Variants in CEP170 observed in about 807,000 individuals in gnomAD.
CEP170 encodes centrosomal protein of 170 kDa.
In CEP170, 21 loss-of-function variants were observed where a neutral mutation model predicts 151.9. The observed-to-expected ratio is 0.14, with a 90% CI of 0.10 to 0.20. The LOEUF is 0.20. Ranked by LOEUF, CEP170 falls within the 10% of genes least tolerant of loss-of-function variation. The pLI is 1.00. For synonymous variants in CEP170, 356 were observed against 648.8 expected (o/e 0.55, Z 6.86); for missense variants, 964 against 1,892.9 (o/e 0.51, Z 9.11).
intron 4 of CEP170, among the ~76,000 whole-genome samples, chr1:243,203,818 A>C (rs894971973): frequency 4.5e-4 from 68 of 152,262 alleles, no homozygotes; most frequent in Middle Eastern, 3.4e-3. Flanking sequence ...AATTATGATA[A>C]ATTAGAGTCC....
intron 3 of CEP170, among the ~76,000 whole-genome samples, chr1:243,220,805 T>C (rs2062731967): frequency 6.6e-6 from 1 of 152,210 alleles, no homozygotes; most frequent in Non-Finnish European, 1.5e-5. Flanking sequence ...AGTTTGTAGC[T>C]ACTTATATTA....
rs746699436 is a variant in CEP170 at position 243,191,216 on chromosome 1, C to G, written c.910G>C (p.Asp304His). The change falls in exon 8 of 20, where the codon GAT (aspartate) becomes CAT (histidine). Residue 304 changes from aspartate (D) to histidine (H), a missense_variant. Physicochemically the swap from Asp to His is moderately conservative, Grantham distance 81 (BLOSUM62 -1). Transcript: ENST00000366542. ...GACTTCTTGGACTTGTGGCGCTGAT[C>G]AGAAGTAAACTTTGTCACATGGTCT... The part of the protein sequence containing the change: ...IRDHVTKFTS[D>H]QRHKSKKSSP... 138 of 1,609,878 alleles carry G rather than the reference C, an allele frequency of 8.6e-5. No individual in the cohort carries two copies. The Admixed American group carries it at 1.3e-3, about 15-fold the overall frequency.
chr1:243,181,866 T>C (rs1001280707), intron 10 of CEP170, among the ~76,000 whole-genome samples: 1 of 152,186 alleles, frequency 6.6e-6, no homozygotes, highest in African/African-American at 2.4e-5. Flanking sequence ...CCATCAATGT[T>C]GGTGTTGCTG....
At chr1:243,191,606 T>A in intron 7 of CEP170, 112 bp from the exon 8 acceptor site, 1 of 711,242 alleles carries the variant, frequency 1.4e-6, no homozygotes, top group South Asian at 1.9e-5. Context: ...CAGATCACAG[T>A]CTGGATGAAA....
chr1:243,152,347 G>A (rs550349070), intron 14 of CEP170, among the ~76,000 whole-genome samples: 1 of 150,666 alleles, frequency 6.6e-6, no homozygotes, highest in East Asian at 2.0e-4. Context: ...TCAGCCTCCA[G>A]GGTAGCTGAG....
chr1:243,195,244 T>C (rs2789157), intron 7 of CEP170, among the ~76,000 whole-genome samples: 129,849 of 151,192 alleles, frequency 0.86, 55,882 homozygotes, highest in East Asian at 0.94. Context: ...CAAAAATCTA[T>C]GATTCCCAGT....
intron 12 of CEP170, among the ~76,000 whole-genome samples, 165 bp from the exon 13 acceptor site, chr1:243,166,281 G>A (rs2058435505): frequency 6.6e-6 from 1 of 152,156 alleles, no homozygotes; most frequent in Admixed American, 6.5e-5. Flanking sequence ...ATATAAAGTG[G>A]TATAATATTT....
At chr1:243,139,449 T>C (rs1235735887) in intron 16 of CEP170, among the ~76,000 whole-genome samples, 1 of 152,142 alleles carries the variant, frequency 6.6e-6, no homozygotes, top group African/African-American at 2.4e-5. Context: ...ATATACTGTA[T>C]ACTAATCCTT....
chr1:243,193,353 T>TC (rs1315559195), intron 7 of CEP170, among the ~76,000 whole-genome samples: 2 of 151,894 alleles, frequency 1.3e-5, no homozygotes, highest in Non-Finnish European at 2.9e-5. Flanking sequence ...CCTCTCTCCC[T>TC]CCCCCCATAT....
intron 1 of CEP170, among the ~76,000 whole-genome samples, chr1:243,250,811 G>T (rs1298803224): frequency 6.6e-6 from 1 of 152,142 alleles, no homozygotes; most frequent in Non-Finnish European, 1.5e-5. Context: ...GATGACTGTT[G>T]TTAAAGAGTT....
chr1:243,251,069 A>G (rs1389623539), intron 1 of CEP170, among the ~76,000 whole-genome samples: 2 of 152,188 alleles, frequency 1.3e-5, no homozygotes, highest in East Asian at 3.8e-4. Flanking sequence ...TATTGAGAAA[A>G]ACCTTACTTC....
At chr1:243,187,087 G>C (rs1269991380) in intron 8 of CEP170, among the ~76,000 whole-genome samples, 1 of 152,180 alleles carries the variant, frequency 6.6e-6, no homozygotes, top group Non-Finnish European at 1.5e-5. Flanking sequence ...AAGAAAGCAT[G>C]CTGAGAGGTC....
chr1:243,225,352 T>C (rs746256642), intron 1 of CEP170, 31 bp from the exon 2 acceptor site: 39 of 897,218 alleles, frequency 4.3e-5, no homozygotes, highest in Non-Finnish European at 6.1e-5. Context: ...AAATATACGT[T>C]CAGATATTTT....
At chr1:243,207,962 C>T (rs546289083) in intron 4 of CEP170, among the ~76,000 whole-genome samples, 1 of 152,128 alleles carries the variant, frequency 6.6e-6, no homozygotes, top group South Asian at 2.1e-4. Context: ...AATGTGAAAA[C>T]TTGGTTAAGT....
At chr1:243,153,384 A>C (rs968079339) in intron 14 of CEP170, among the ~76,000 whole-genome samples, 2 of 152,202 alleles carry the variant, frequency 1.3e-5, no homozygotes, top group African/African-American at 4.8e-5. Context: ...AAGAAGTTCT[A>C]CTCTGGGTAA....
intron 7 of CEP170, among the ~76,000 whole-genome samples, chr1:243,197,261 A>G (rs920724455): frequency 2.0e-5 from 3 of 152,040 alleles, no homozygotes; most frequent in Non-Finnish European, 2.9e-5. Context: ...TTTACAAATA[A>G]AGCAGACATC....
At chr1:243,212,083 C>T in intron 3 of CEP170, 119 bp from the exon 4 acceptor site, 1 of 1,126,466 alleles carries the variant, frequency 8.9e-7, no homozygotes, top group South Asian at 2.4e-5. Flanking sequence ...GCTAATACAG[C>T]CTGAGTATCA....
chr1:243,150,393 C>T lies in CEP170; in HGVS notation c.3911+5828G>A, dbSNP rs185646692. 1.9e-4 allele frequency among the ~76,000 whole-genome samples: 29 copies of T among 152,290 alleles called. No individual in the cohort carries two copies. The East Asian group carries it at 5.6e-3, about 29-fold the overall frequency. ...CTCCAACTCCTGACCTCAGGTGATC[C>T]GCCTGCCTTGGCCTCCCAAGTGCTG... On this transcript the variant is annotated intron_variant, in intron 14 of 19. Transcript: ENST00000366542.
chr1:243,226,685 T>C (rs1491003888), intron 1 of CEP170, among the ~76,000 whole-genome samples: 1 of 152,190 alleles, frequency 6.6e-6, no homozygotes, highest in Non-Finnish European at 1.5e-5. Context: ...TTTCACACAA[T>C]GTTATAGGAA....
Sources: gnomAD v4.1 joint callset for allele counts (sites outside exome capture counted in the v4.1 genomes callset) on GRCh38, gnomAD v4.1.1 for gene constraint, MANE v1.5 for transcripts, NCBI Gene and HGNC (gene_info 2026-07-23, HGNC 2026-07-21) for gene names.